TMEM163: variants seen among roughly 807,000 people sequenced by gnomAD.
TMEM163 encodes transmembrane protein 163.
In TMEM163, 17 loss-of-function variants were observed where a neutral mutation model predicts 29.3. The observed-to-expected ratio is 0.58, with a 90% CI of 0.40 to 0.87. The LOEUF (loss-of-function observed/expected upper bound fraction) is 0.87. Among genes scored for constraint, TMEM163 ranks in the 40% least tolerant of loss-of-function variants. The probability of loss-of-function intolerance (pLI) is 0.00; values close to 1 mark genes in which losing one functional copy is unlikely to be tolerated. For synonymous variants in TMEM163, 157 were observed against 160.6 expected, an observed-to-expected ratio of 0.98 and a Z score of 0.17; for missense variants, 303 against 381.5, an observed-to-expected ratio of 0.79 and a Z score of 1.71.
chr2:134,690,040 C>A (rs1454755243), intron 2 of TMEM163, among the ~76,000 whole-genome samples: 6 of 152,110 alleles, frequency 3.9e-5, no homozygotes, highest in Admixed American at 3.9e-4. Context: ...AAGCAACTCT[C>A]GTGCCTCAGC....
chr2:134,487,079 G>A (rs1679329516), intron 5 of TMEM163, among the ~76,000 whole-genome samples: 1 of 151,978 alleles, frequency 6.6e-6, no homozygotes, highest in African/African-American at 2.4e-5. Context: ...GTTACAGTAA[G>A]AACCAACAGA....
chr2:134,536,529 A>G (rs1244852740), intron 4 of TMEM163, among the ~76,000 whole-genome samples: 2 of 152,148 alleles, frequency 1.3e-5, no homozygotes, highest in Non-Finnish European at 2.9e-5. Context: ...CAGGGCATGA[A>G]TCCTCACCCC....
intron 2 of TMEM163, among the ~76,000 whole-genome samples, chr2:134,686,595 A>C (rs1193805344): frequency 6.6e-6 from 1 of 152,208 alleles, no homozygotes; most frequent in Non-Finnish European, 1.5e-5. Context: ...AAGGAGGTAG[A>C]ATCATAGCAT....
At chr2:134,499,404 G>A (rs949206335) in intron 5 of TMEM163, among the ~76,000 whole-genome samples, 1 of 152,218 alleles carries the variant, frequency 6.6e-6, no homozygotes, top group Admixed American at 6.5e-5. Context: ...ACGGCTCTGC[G>A]GAATCTGTTT....
intron 4 of TMEM163, among the ~76,000 whole-genome samples, chr2:134,548,927 G>T (rs1680847233): frequency 6.6e-6 from 1 of 152,040 alleles, no homozygotes; most frequent in African/African-American, 2.4e-5. Context: ...CTTTGAATTT[G>T]GGAGTATTTC....
At chr2:134,705,638 G>C (rs1684794323) in intron 2 of TMEM163, among the ~76,000 whole-genome samples, 1 of 152,134 alleles carries the variant, frequency 6.6e-6, no homozygotes, top group Non-Finnish European at 1.5e-5. Context: ...CAATATTTCT[G>C]CATCTCAAAC....
At chr2:134,600,554 GCTGGTCCC>G (rs971944396) in intron 2 of TMEM163, among the ~76,000 whole-genome samples, 2 of 152,184 alleles carry the variant, frequency 1.3e-5, no homozygotes, top group Non-Finnish European at 1.5e-5. Flanking sequence ...TAGTTCGAAT[GCTGGTCCC>G]CTCCAAAACT....
chr2:134,563,712 A>G (rs1681232430), intron 2 of TMEM163, among the ~76,000 whole-genome samples: 1 of 152,196 alleles, frequency 6.6e-6, no homozygotes, highest in Non-Finnish European at 1.5e-5. Context: ...TGGTGACAGA[A>G]TTGATAAGAT....
At chr2:134,469,386 G>C (rs472299) in intron 5 of TMEM163, 1 of 151,864 alleles carries the variant, frequency 6.6e-6, no homozygotes, top group African/African-American at 2.4e-5. Flanking sequence ...TTACTAGCTA[G>C]GTGACTCTGG....
intron 2 of TMEM163, among the ~76,000 whole-genome samples, chr2:134,618,375 T>C (rs1160479050): frequency 2.6e-5 from 4 of 152,120 alleles, no homozygotes; most frequent in Admixed American, 1.3e-4. Flanking sequence ...TAAATACATA[T>C]GCATCTAACA....
At chr2:134,673,750 G>C (rs1199503258) in intron 2 of TMEM163, among the ~76,000 whole-genome samples, 1 of 152,144 alleles carries the variant, frequency 6.6e-6, no homozygotes, top group Non-Finnish European at 1.5e-5. Flanking sequence ...CTAGAAACTG[G>C]AAAGGCAAGA....
intron 4 of TMEM163, among the ~76,000 whole-genome samples, 182 bp downstream of exon 4, chr2:134,550,388 G>A (rs1360385234): frequency 1.3e-5 from 2 of 152,086 alleles, no homozygotes; most frequent in Admixed American, 1.3e-4. Flanking sequence ...CTCTCTCTCT[G>A]ACCATCCCAA....
chr2:134,677,460 T>C (rs921707783), intron 2 of TMEM163, among the ~76,000 whole-genome samples: 6 of 93,670 alleles, frequency 6.4e-5, no homozygotes, highest in Non-Finnish European at 1.3e-4. Context: ...TGGCTTTCAA[T>C]ATAGTTGGAT....
At chr2:134,495,015 A>G (rs1196197231) in intron 5 of TMEM163, among the ~76,000 whole-genome samples, 1 of 151,996 alleles carries the variant, frequency 6.6e-6, no homozygotes, top group East Asian at 1.9e-4. Flanking sequence ...CCCTCTGTCA[A>G]ACGTTTCCTG....
intron 2 of TMEM163, among the ~76,000 whole-genome samples, chr2:134,650,091 T>C (rs907439970): frequency 1.4e-5 from 2 of 147,272 alleles, no homozygotes; most frequent in African/African-American, 2.5e-5. Context: ...AGTGAAAAAA[T>C]GGAAGGTATA....
chr2:134,552,069 G>C lies in TMEM163; in HGVS notation c.345C>G (p.Ser115Arg). The change falls in exon 3 of 8, where the codon AGC becomes AGG. Residue 115 changes from serine to arginine, a missense_variant. Ser to Arg is a moderately radical substitution (Grantham distance 110, BLOSUM62 -1). This residue lies in a region of TMEM163 where 203 missense variants were observed against 294.3 expected (regional missense o/e 0.69). Transcript: ENST00000281924. ...AAFTVSVMRY[S>R]ASAFGFAFDA... is the part of the protein sequence containing the mutation. ...TTACTGCAAACCCAAAAGCAGAGGC[G>C]CTGTACCTCATAACGGAGACAGCTA... 6.2e-7 allele frequency: 1 copy of C among 1,613,010 alleles called. No homozygotes were observed. Among genetic ancestry groups the C allele is most frequent in the Non-Finnish European group, 8.5e-7 (1 of 1,179,616 alleles).
chr2:134,467,597 T>C (rs1574153818), intron 5 of TMEM163: 1 of 152,128 alleles, frequency 6.6e-6, no homozygotes, highest in Admixed American at 6.5e-5. Context: ...GTCAAGGTCA[T>C]GAAACATGAG....
At chr2:134,512,723 G>C (rs573338469) in intron 4 of TMEM163, among the ~76,000 whole-genome samples, 1 of 152,346 alleles carries the variant, frequency 6.6e-6, no homozygotes, top group African/African-American at 2.4e-5. Flanking sequence ...GTAAGAAAGA[G>C]GGAGAATGGT....
intron 4 of TMEM163, among the ~76,000 whole-genome samples, chr2:134,519,320 T>C (rs1680142628): frequency 6.6e-6 from 1 of 152,130 alleles, no homozygotes; most frequent in Non-Finnish European, 1.5e-5. Flanking sequence ...CTTCTACAGC[T>C]CCATACGAGG....
Sources: allele counts gnomAD v4.1 joint callset (sites outside exome capture counted in the v4.1 genomes callset), GRCh38; gene constraint gnomAD v4.1.1; regional missense constraint gnomAD v4.1.1; transcripts MANE v1.5; gene names NCBI Gene and HGNC (gene_info 2026-07-23, HGNC 2026-07-21).